Variants in CHRM3 observed in about 807,000 individuals in gnomAD.
CHRM3 encodes the protein muscarinic acetylcholine receptor M3.
CHRM3 carries 11 observed loss-of-function variants against 41.8 expected under a neutral mutation model. That is an observed-to-expected ratio of 0.26 (90% confidence interval 0.17 to 0.44). The LOEUF is 0.44. CHRM3 is among the 20% of genes least tolerant of loss of function. The pLI is 1.00. For synonymous variants in CHRM3, 297 were observed against 301.4 expected (o/e 0.99, Z 0.15); for missense variants, 571 against 745.4 (o/e 0.77, Z 2.72).
intron 3 of CHRM3, among the ~76,000 whole-genome samples, chr1:239,597,857 A>AATTT (rs1664974269): frequency 2.4e-5 from 1 of 41,094 alleles, no homozygotes; most frequent in African/African-American, 4.9e-5. Flanking sequence ...AAACTGTCAG[A>AATTT]GTTTTTTTTT....
chr1:239,506,451 G>A (rs575798014), intron 2 of CHRM3, among the ~76,000 whole-genome samples: 19 of 152,282 alleles, frequency 1.2e-4, no homozygotes, highest in South Asian at 2.1e-4. Flanking sequence ...CAGCTTCCAC[G>A]TGGTGTTGAG....
intron 1 of CHRM3, among the ~76,000 whole-genome samples, chr1:239,388,751 G>T (rs1172353390): frequency 6.6e-6 from 1 of 152,216 alleles, no homozygotes; most frequent in African/African-American, 2.4e-5. Context: ...GTATACATGT[G>T]CAAGGAACAT....
At chr1:239,684,919 C>T (rs1008886687) in intron 5 of CHRM3, among the ~76,000 whole-genome samples, 16 of 151,920 alleles carry the variant, frequency 1.1e-4, no homozygotes, top group African/African-American at 3.9e-4. Flanking sequence ...TGTAGGTGAA[C>T]CAAAAGCACC....
intron 1 of CHRM3, among the ~76,000 whole-genome samples, chr1:239,436,431 T>G (rs1481314464): frequency 1.3e-5 from 2 of 152,000 alleles, no homozygotes; most frequent in African/African-American, 4.8e-5. Context: ...CACTGGACCA[T>G]TAGGAGATGA....
rs145950668 is a variant in CHRM3, at chr1:239,572,056, T to C, written c.-313+26307T>C. ...GTCTAAATAAGCTTTACAAGCATCC[T>C]ATTGGAAAGTTACAGTACTCCCCAT... On this transcript the variant is annotated intron_variant, in intron 3 of 6. Transcript: ENST00000676153. Among the ~76,000 whole-genome samples the C allele has an allele frequency of 2.4e-3, 359 of 152,332 alleles. 1 individual carries two copies. Among genetic ancestry groups the C allele is most frequent in the African/African-American group, 8.2e-3 (341 of 41,578 alleles).
intron 2 of CHRM3, among the ~76,000 whole-genome samples, chr1:239,504,877 A>G (rs917593801): frequency 6.6e-6 from 1 of 152,026 alleles, no homozygotes. Context: ...ATGCAAAGGC[A>G]TAAGAATGAT....
At chr1:239,813,724 T>C (rs596625) in intron 5 of CHRM3, among the ~76,000 whole-genome samples, 122,039 of 124,682 alleles carry the variant, frequency 0.98, 59,812 homozygotes, top group South Asian at 1. Context: ...GAGACCATCC[T>C]GGCTAACACG....
intron 2 of CHRM3, among the ~76,000 whole-genome samples, chr1:239,544,756 T>C (rs1659125280): frequency 6.6e-6 from 1 of 152,220 alleles, no homozygotes; most frequent in African/African-American, 2.4e-5. Flanking sequence ...ACGAGTAGAA[T>C]ACCATGCTTG....
chr1:239,690,819 A>C (rs1004831229), intron 5 of CHRM3, among the ~76,000 whole-genome samples: 1 of 151,162 alleles, frequency 6.6e-6, no homozygotes, highest in Admixed American at 6.6e-5. Context: ...GAAAAATTTT[A>C]TATATATATA....
intron 1 of CHRM3, among the ~76,000 whole-genome samples, chr1:239,395,323 T>G (rs1659385072): frequency 6.6e-6 from 1 of 152,210 alleles, no homozygotes; most frequent in South Asian, 2.1e-4. Flanking sequence ...AGCATTTCCA[T>G]GTGCTTGCTG....
At chr1:239,719,924 TA>T (rs1662767559) in intron 5 of CHRM3, among the ~76,000 whole-genome samples, 1 of 151,964 alleles carries the variant, frequency 6.6e-6, no homozygotes, top group Non-Finnish European at 1.5e-5. Context: ...TTTCCACAAA[TA>T]AAAGGACATT....
rs369433508 is a variant in CHRM3, at chr1:239,907,504, C to A, written c.53C>A (p.Ser18Tyr). 5 of 1,614,196 alleles carry A rather than the reference C, an allele frequency of 3.1e-6. No homozygotes were observed. The South Asian group carries it at 5.5e-5, about 18-fold the overall frequency. The change falls in exon 7 of 7, where the codon TCC becomes TAC. Residue 18 changes from serine to tyrosine, a missense_variant. By Grantham distance (144) the Ser-to-Tyr change is moderately radical (BLOSUM62 -2). Around this residue, in one of 5 missense-constraint regions of CHRM3, gnomAD observed 92 missense variants for 76.1 expected, o/e 1.21. Transcript: ENST00000676153. The surrounding 1 kb of genome is among the most constrained non-coding windows in gnomAD (Gnocchi z 5.4). ...TTSPLFPNIS[S>Y]SWIHSPSDAG... ...TCGCCTTTGTTTCCAAACATCAGCT[C>A]CTCCTGGATACACAGCCCCTCCGAT... is the stretch of plus-strand genomic sequence containing the variant.
At chr1:239,865,302 T>C (rs1184937876) in intron 6 of CHRM3, among the ~76,000 whole-genome samples, 1 of 152,224 alleles carries the variant, frequency 6.6e-6, no homozygotes, top group Non-Finnish European at 1.5e-5. Flanking sequence ...TCAACATGTA[T>C]ATGCATAAAA....
intron 5 of CHRM3, among the ~76,000 whole-genome samples, chr1:239,709,478 C>T (rs572821688): frequency 7.4e-4 from 112 of 152,296 alleles, no homozygotes; most frequent in Non-Finnish European, 1.4e-3. Flanking sequence ...TTTGTGCCCA[C>T]CAGTAGAATA....
At chr1:239,675,222 T>C (rs1657870386) in intron 4 of CHRM3, among the ~76,000 whole-genome samples, 1 of 152,192 alleles carries the variant, frequency 6.6e-6, no homozygotes, top group African/African-American at 2.4e-5. Context: ...TCAGAATAAA[T>C]ACATTTTCAT....
intron 5 of CHRM3, among the ~76,000 whole-genome samples, chr1:239,697,013 T>C (rs1215123105): frequency 2.0e-5 from 3 of 152,338 alleles, no homozygotes; most frequent in Middle Eastern, 3.4e-3. Flanking sequence ...GGAATAACTA[T>C]AGTAAGCACA....
At chr1:239,429,600 C>T (rs952738343) in intron 1 of CHRM3, among the ~76,000 whole-genome samples, 1 of 152,092 alleles carries the variant, frequency 6.6e-6, no homozygotes, top group South Asian at 2.1e-4. Flanking sequence ...TCAGCATGTT[C>T]CATTGCAGAG....
intron 2 of CHRM3, among the ~76,000 whole-genome samples, chr1:239,503,620 C>A (rs945420786): frequency 6.6e-6 from 1 of 151,998 alleles, no homozygotes; most frequent in Non-Finnish European, 1.5e-5. Context: ...CAATACTAAG[C>A]AAAAAGAACA....
chr1:239,810,477 C>T (rs1671032276), intron 5 of CHRM3, among the ~76,000 whole-genome samples: 1 of 152,142 alleles, frequency 6.6e-6, no homozygotes. Context: ...GAAAATGCTT[C>T]TCAAGATCAT....
Sources: allele counts gnomAD v4.1 joint callset (sites outside exome capture counted in the v4.1 genomes callset), GRCh38; gene constraint gnomAD v4.1.1; regional missense constraint gnomAD v4.1.1; non-coding constraint Gnocchi (gnomAD v3.1); transcripts MANE v1.5; gene names NCBI Gene and HGNC (gene_info 2026-07-23, HGNC 2026-07-21).